Variants in BOC observed in about 807,000 individuals in gnomAD.
The protein encoded by BOC is brother of CDO.
In BOC, 76 loss-of-function variants were observed where a neutral mutation model predicts 112.0. That is an observed-to-expected ratio of 0.68 (90% CI 0.56 to 0.82). BOC has a LOEUF of 0.82. BOC is among the 40% of genes least tolerant of loss of function. The pLI is 0.00. For synonymous variants in BOC, 580 were observed against 599.8 expected (o/e 0.97, Z 0.48); for missense variants, 1,309 against 1,511.7 (o/e 0.87, Z 2.22).
intron 2 of BOC, among the ~76,000 whole-genome samples, chr3:113,228,537 A>G (rs1277613207): frequency 1.3e-5 from 2 of 152,288 alleles, no homozygotes; most frequent in African/African-American, 4.8e-5. Context: ...GGGTGGCCAT[A>G]AGCAGCCTGC....
intron 6 of BOC, chr3:113,271,547 C>T: frequency 4.5e-6 from 1 of 223,468 alleles, no homozygotes; most frequent in Non-Finnish European, 9.0e-6. Context: ...GATGGAATCA[C>T]TGTGAAGCTA....
At chr3:113,272,780 G>T in intron 7 of BOC, 77 bp downstream of exon 7, 2 of 1,511,396 alleles carry the variant, frequency 1.3e-6, no homozygotes, top group South Asian at 2.5e-5. Flanking sequence ...TGTAACCCAG[G>T]CTCACAAAGG....
chr3:113,246,555 T>TA (rs1206344461), intron 2 of BOC, among the ~76,000 whole-genome samples: 1 of 152,212 alleles, frequency 6.6e-6, no homozygotes, highest in Non-Finnish European at 1.5e-5. Flanking sequence ...ACTCACTAGG[T>TA]AACTTGGTTC....
At chr3:113,233,731 G>A (rs1943029546) in intron 2 of BOC, among the ~76,000 whole-genome samples, 1 of 152,142 alleles carries the variant, frequency 6.6e-6, no homozygotes, top group African/African-American at 2.4e-5. Flanking sequence ...GGGTACTTGA[G>A]ACCTGCCCAT....
At chr3:113,239,789 G>C (rs1944051541) in intron 2 of BOC, among the ~76,000 whole-genome samples, 1 of 152,226 alleles carries the variant, frequency 6.6e-6, no homozygotes, top group South Asian at 2.1e-4. Context: ...GCTTGCCAGA[G>C]AGCTCCAGAT....
At chr3:113,222,709 GT>G (rs148955065) in intron 2 of BOC, among the ~76,000 whole-genome samples, 13,609 of 152,090 alleles carry the variant, frequency 0.089, 646 homozygotes, top group African/African-American at 0.12. Flanking sequence ...ACGCAGGGGG[GT>G]GCCCAGCTCA....
intron 1 of BOC, among the ~76,000 whole-genome samples, chr3:113,214,434 TC>T (rs1320996590): frequency 6.6e-6 from 1 of 152,186 alleles, no homozygotes; most frequent in African/African-American, 2.4e-5. Context: ...GTCATAGTGT[TC>T]CGTGTCCCCT....
intron 2 of BOC, among the ~76,000 whole-genome samples, chr3:113,228,161 C>T (rs889430033): frequency 9.9e-5 from 15 of 152,282 alleles, no homozygotes; most frequent in South Asian, 8.3e-4. Context: ...GTTCAATAAG[C>T]ATTATTGACT....
chr3:113,273,303 G>C lies in BOC; in HGVS notation c.1196G>C (p.Ser399Thr). Residue 399 changes from serine (S) to threonine (T), a missense_variant, in exon 8 of 20, where the codon AGC becomes ACC. Physicochemically the swap from Ser to Thr is moderately conservative, Grantham distance 58. Coordinates refer to ENST00000682979, the MANE Select transcript of BOC (RefSeq NM_001378074.1). ...YQCMAENEVG[S>T]AHAVVQLRTS... ...TGCATGGCCGAGAACGAGGTTGGGA[G>C]CGCCCATGCCGTAGTCCAGCTGCGG... 9 of 1,601,106 alleles carry C rather than the reference G, an allele frequency of 5.6e-6. No individual in the cohort carries two copies. Among genetic ancestry groups the C allele is most frequent in the Non-Finnish European group, 7.7e-6 (9 of 1,169,976 alleles).
intron 6 of BOC, 71 bp downstream of exon 6, chr3:113,271,015 G>A (rs1034707819): frequency 1.9e-6 from 3 of 1,602,652 alleles, no homozygotes; most frequent in South Asian, 1.1e-5. Context: ...TGGAAAGGGA[G>A]GTAGATACCT....
chr3:113,281,038 G>A lies in BOC; in HGVS notation c.2319G>A (p.Lys773=), dbSNP rs755141264. 2.0e-5 allele frequency: 32 copies of A among 1,613,906 alleles called. No homozygotes were observed. Among genetic ancestry groups the A allele is most frequent in the Non-Finnish European group, 2.7e-5 (32 of 1,180,022 alleles). The change falls in exon 15 of 20, where the codon AAG becomes AAA. Residue 773 remains lysine (K), a synonymous_variant. Coordinates refer to ENST00000682979, the MANE Select transcript of BOC (RefSeq NM_001378074.1). ...DYKKDMVEGD[K]YWHSISHLQP... ...TCTGACTCTGTTTCCCAGGGGACAA[G>A]TACTGGCACTCCATCAGCCACCTGC...
chr3:113,220,776 G>A (rs553827218), intron 2 of BOC, among the ~76,000 whole-genome samples: 1 of 152,354 alleles, frequency 6.6e-6, no homozygotes, highest in African/African-American at 2.4e-5. Flanking sequence ...GTGGGATCGG[G>A]CAATGTAGGG....
chr3:113,214,862 T>G (rs1369011089), intron 1 of BOC, among the ~76,000 whole-genome samples: 3 of 152,264 alleles, frequency 2.0e-5, no homozygotes, highest in Admixed American at 2.0e-4. Flanking sequence ...GTAAGCTTTA[T>G]TAGTCAAATG....
rs370889804 is a variant in BOC at position 113,270,935 on chromosome 3, C to T, written c.658C>T (p.Arg220Cys). ...AACCTCCGGCTCCAGCGACAGGCTA[C>T]GTGTGCGCCGTAAGGCCCGGGCCCA... ...VKTSGSSDRL[R>C]VRRSTAEAAR... Residue 220 changes from arginine to cysteine, a missense_variant, in exon 6 of 20, where the codon CGT (arginine) becomes TGT (cysteine). Arg to Cys is a radical substitution (Grantham distance 180). Coordinates refer to ENST00000682979, the MANE Select transcript of BOC (RefSeq NM_001378074.1). The T allele has an allele frequency of 5.8e-5, 93 of 1,614,062 alleles. No individual in the cohort carries two copies. The highest frequency in any genetic ancestry group is 6.7e-5 in the Admixed American group (4 of 60,016).
chr3:113,259,508 G>A (rs1217224044), intron 4 of BOC, among the ~76,000 whole-genome samples: 1 of 152,186 alleles, frequency 6.6e-6, no homozygotes, highest in Non-Finnish European at 1.5e-5. Context: ...GAGAGCAAAT[G>A]AGTCCTTGGT....
intron 15 of BOC, among the ~76,000 whole-genome samples, chr3:113,282,330 G>T (rs1949274102): frequency 6.6e-6 from 1 of 152,154 alleles, no homozygotes; most frequent in Non-Finnish European, 1.5e-5. Context: ...GAAGGGATGG[G>T]TTTGAGTCTC....
chr3:113,274,263 T>C lies in BOC; in HGVS notation c.1235-112T>C. ...ACAGAGTGGGTGGCGGTACAGCTGATGGTGGGCCCAGGTTGCCTCTCTGTC... is the reference window on the plus strand; with the variant it reads ...ACAGAGTGGGTGGCGGTACAGCTGACGGTGGGCCCAGGTTGCCTCTCTGTC... On this transcript the variant is annotated intron_variant, in intron 8 of 19. Transcript: ENST00000682979. This position sits in a 1 kb window ranked among gnomAD's most constrained non-coding sequence, Gnocchi z 4.8. 1 of 1,022,784 alleles carries C rather than the reference T, an allele frequency of 9.8e-7. No homozygotes were observed. The highest frequency in any genetic ancestry group is 1.4e-6 in the Non-Finnish European group (1 of 732,136). 63.4% of individuals were successfully genotyped at this position (1,022,784 alleles called of 1,614,324 possible).
At position 113,264,897 on chromosome 3, in the gene BOC, G is replaced by A. The variant is rs1042754929; in HGVS notation, c.377-3402G>A. Among the ~76,000 whole-genome samples the A allele has an allele frequency of 9.8e-5, 15 of 152,320 alleles. 1 individual carries two copies. The South Asian group carries it at 2.7e-3, about 27-fold the overall frequency. ...ATTTGTTTTGAAGCCAGGAAGGCTCGCCTGCCAGTCGCCCCTTGTGGGGAG... is the reference window on the plus strand; with the variant it reads ...ATTTGTTTTGAAGCCAGGAAGGCTCACCTGCCAGTCGCCCCTTGTGGGGAG... On this transcript the variant is annotated intron_variant, in intron 4 of 19. Transcript: ENST00000682979.
At chr3:113,283,083 T>C (rs1172020454) in intron 15 of BOC, among the ~76,000 whole-genome samples, 1 of 152,206 alleles carries the variant, frequency 6.6e-6, no homozygotes, top group African/African-American at 2.4e-5. Context: ...ATTTTAAATA[T>C]TTTCTTCCAA....
Sources: allele counts gnomAD v4.1 joint callset (sites outside exome capture counted in the v4.1 genomes callset), GRCh38; gene constraint gnomAD v4.1.1; non-coding constraint Gnocchi (gnomAD v3.1); transcripts MANE v1.5; gene names NCBI Gene and HGNC (gene_info 2026-07-23, HGNC 2026-07-21).